Variants in BMPER observed in about 807,000 individuals in gnomAD.
The protein encoded by BMPER is BMP-binding endothelial regulator protein.
In BMPER, 45 loss-of-function variants were observed where a neutral mutation model predicts 87.3. The ratio of observed to expected loss-of-function variants is 0.52; its 90% CI spans 0.41 to 0.66. BMPER has a LOEUF of 0.66. BMPER is among the 30% of genes least tolerant of loss of function. The probability of loss-of-function intolerance (pLI) is 0.00; values close to 1 mark genes in which losing one functional copy is unlikely to be tolerated. For synonymous variants in BMPER, 326 were observed against 316.2 expected, an observed-to-expected ratio of 1.03 and a Z score of -0.33; for missense variants, 784 against 867.5, an observed-to-expected ratio of 0.90 and a Z score of 1.21.
intron 13 of BMPER, among the ~76,000 whole-genome samples, chr7:34,133,472 T>C (rs565986268): frequency 1.3e-5 from 2 of 152,316 alleles, no homozygotes; most frequent in East Asian, 3.9e-4. Context: ...CCTCACCCTG[T>C]GCATCTCTTC....
At chr7:33,960,346 C>T (rs931204717) in intron 3 of BMPER, among the ~76,000 whole-genome samples, 1 of 152,170 alleles carries the variant, frequency 6.6e-6, no homozygotes, top group Non-Finnish European at 1.5e-5. Context: ...TTATGTTTAT[C>T]CCTTTTGATT....
chr7:33,996,934 A>G (rs1215300815), intron 6 of BMPER, among the ~76,000 whole-genome samples: 1 of 152,172 alleles, frequency 6.6e-6, no homozygotes, highest in East Asian at 1.9e-4. Flanking sequence ...CAGGCTAACC[A>G]CATTTCCAGT....
chr7:34,077,902 A>T (rs1788907262), intron 11 of BMPER, among the ~76,000 whole-genome samples: 1 of 151,478 alleles, frequency 6.6e-6, no homozygotes, highest in South Asian at 2.1e-4. Flanking sequence ...TGTTGGCTGG[A>T]AATTGTGCTT....
In BMPER at chr7:34,143,210, C is replaced by A; in HGVS notation, c.1746-20C>A. 1 of 1,613,678 alleles carries A rather than the reference C, an allele frequency of 6.2e-7. No homozygotes were observed. Among genetic ancestry groups the A allele is most frequent in the South Asian group, 1.1e-5 (1 of 91,070 alleles). On this transcript the variant is annotated intron_variant, in intron 13 of 14. Transcript: ENST00000649409. ...GTTTGATATTTTTAAATGTTTCTAT[C>A]TCTCTTTTGGGTCCTATAGGTCCTG...
intron 2 of BMPER, among the ~76,000 whole-genome samples, chr7:33,914,071 C>T (rs1784030477): frequency 1.3e-5 from 2 of 151,616 alleles, no homozygotes; most frequent in Non-Finnish European, 2.9e-5. Context: ...GCGCCATTCT[C>T]CTGCCTCAGC....
At chr7:33,947,539 A>G (rs1479546694) in intron 3 of BMPER, among the ~76,000 whole-genome samples, 1 of 152,108 alleles carries the variant, frequency 6.6e-6, no homozygotes, top group African/African-American at 2.4e-5. Context: ...TAACTTTTAT[A>G]TTTGATTTTT....
At chr7:34,135,850 C>T (rs938659369) in intron 13 of BMPER, among the ~76,000 whole-genome samples, 1 of 152,072 alleles carries the variant, frequency 6.6e-6, no homozygotes, top group Non-Finnish European at 1.5e-5. Flanking sequence ...GAGGAGTGGG[C>T]TAACAATTTA....
chr7:34,032,681 TCAAACA>T (rs1787560294), intron 6 of BMPER, among the ~76,000 whole-genome samples: 1 of 152,200 alleles, frequency 6.6e-6, no homozygotes, highest in Non-Finnish European at 1.5e-5. Flanking sequence ...CAATTTTGTT[TCAAACA>T]CTGCTCCTTT....
At chr7:33,978,270 C>T (rs1444755592) in intron 6 of BMPER, among the ~76,000 whole-genome samples, 1 of 152,220 alleles carries the variant, frequency 6.6e-6, no homozygotes, top group African/African-American at 2.4e-5. Flanking sequence ...GACAGCAGCC[C>T]TTGCCAGACA....
At chr7:33,921,325 G>A (rs1363979806) in intron 2 of BMPER, among the ~76,000 whole-genome samples, 1 of 152,210 alleles carries the variant, frequency 6.6e-6, no homozygotes, top group African/African-American at 2.4e-5. Context: ...CACCCTGTGA[G>A]GTAGCGCTGG....
intron 6 of BMPER, among the ~76,000 whole-genome samples, chr7:34,004,395 AAGAC>A (rs1230260332): frequency 6.6e-6 from 1 of 152,100 alleles, no homozygotes; most frequent in Non-Finnish European, 1.5e-5. Context: ...GGCTTTCACA[AAGAC>A]AGTTTATATT....
chr7:34,098,651 A>G (rs1450157668), intron 13 of BMPER, among the ~76,000 whole-genome samples: 1 of 152,188 alleles, frequency 6.6e-6, no homozygotes, highest in East Asian at 1.9e-4. Flanking sequence ...GCATGAAGGT[A>G]GATGCATTTG....
At chr7:34,005,006 T>C (rs912815291) in intron 6 of BMPER, among the ~76,000 whole-genome samples, 6 of 152,142 alleles carry the variant, frequency 3.9e-5, no homozygotes, top group African/African-American at 1.4e-4. Flanking sequence ...TGTTAACTCC[T>C]GCTTTAATGC....
chr7:34,129,238 C>T (rs966553545), intron 13 of BMPER, among the ~76,000 whole-genome samples: 26 of 152,056 alleles, frequency 1.7e-4, no homozygotes, highest in African/African-American at 6.3e-4. Context: ...TGTGGTGGCT[C>T]ATGCCTGTAA....
chr7:34,085,212 C>T (rs1273117799), intron 12 of BMPER, among the ~76,000 whole-genome samples: 1 of 152,060 alleles, frequency 6.6e-6, no homozygotes, highest in Non-Finnish European at 1.5e-5. Flanking sequence ...ATCAGTGTTG[C>T]CTTTGAAGGG....
chr7:34,074,905 AT>A (rs1321696064), intron 11 of BMPER, among the ~76,000 whole-genome samples: 1 of 152,196 alleles, frequency 6.6e-6, no homozygotes, highest in Non-Finnish European at 1.5e-5. Flanking sequence ...GCTGTTTCTT[AT>A]TGGCAGAAAC....
At chr7:34,086,418 T>A (rs2127977340) in intron 13 of BMPER, among the ~76,000 whole-genome samples, 1 of 152,300 alleles carries the variant, frequency 6.6e-6, no homozygotes, top group South Asian at 2.1e-4. Flanking sequence ...GCTTCCCAAA[T>A]TCTGGCCTAA....
intron 3 of BMPER, among the ~76,000 whole-genome samples, chr7:33,941,480 C>CAT (rs1329055736): frequency 6.6e-6 from 1 of 151,826 alleles, no homozygotes; most frequent in Non-Finnish European, 1.5e-5. Flanking sequence ...TGTAATGTGT[C>CAT]ATATATAACT....
chr7:34,122,632 C>A (rs766410216), intron 13 of BMPER, among the ~76,000 whole-genome samples: 1 of 152,174 alleles, frequency 6.6e-6, no homozygotes, highest in Non-Finnish European at 1.5e-5. Context: ...TAACAGGGAA[C>A]CTCTTGCAGC....
Sources: allele counts gnomAD v4.1 joint callset (sites outside exome capture counted in the v4.1 genomes callset), GRCh38; gene constraint gnomAD v4.1.1; transcripts MANE v1.5; gene names NCBI Gene and HGNC (gene_info 2026-07-23, HGNC 2026-07-21).